Variants in UNC79 observed in about 807,000 individuals in gnomAD.
UNC79 encodes protein unc-79 homolog.
Under a neutral mutation model 283.1 loss-of-function variants are expected in UNC79, and 37 were observed. The observed-to-expected ratio is 0.13, with a 90% CI of 0.10 to 0.17. UNC79 has a LOEUF of 0.17. UNC79 is among the 10% of genes least tolerant of loss of function. The pLI is 1.00. For synonymous variants in UNC79, 1,107 were observed against 1,200.2 expected, an observed-to-expected ratio of 0.92 and a Z score of 1.61; for missense variants, 2,272 against 3,211.1, an observed-to-expected ratio of 0.71 and a Z score of 7.07.
At chr14:93,659,058 G>T (rs1264038723) in intron 38 of UNC79, 135 bp from the exon 42 acceptor site, 5 of 611,686 alleles carry the variant, frequency 8.2e-6, no homozygotes, top group Non-Finnish European at 1.1e-5. Context: ...GGATATTATG[G>T]CATGGGAATC....
rs150306086 is a variant in UNC79 at position 93,387,354 on chromosome 14, C to A, written c.-351+53831C>A. 9.8e-4 allele frequency among the ~76,000 whole-genome samples: 148 copies of A among 151,030 alleles called. 1 individual carries two copies. The East Asian group carries it at 0.024, about 24-fold the overall frequency. On this transcript the variant is annotated intron_variant, in intron 1 of 49. Coordinates refer to the UNC79 transcript ENST00000256339. ...AGGTGGTTTTTTTGAATTTTTTTTT[C>A]TTTTTCAATGTAAACATGTATAGTT...
intron 30 of UNC79, among the ~76,000 whole-genome samples, chr14:93,623,393 G>T (rs1000912921): frequency 1.3e-5 from 2 of 152,086 alleles, no homozygotes; most frequent in Non-Finnish European, 2.9e-5. Flanking sequence ...CTAACCCACG[G>T]TCATCACTTG....
intron 2 of UNC79, among the ~76,000 whole-genome samples, chr14:93,471,626 G>A (rs932851173): frequency 2.6e-5 from 4 of 151,488 alleles, no homozygotes; most frequent in African/African-American, 9.7e-5. Flanking sequence ...AAATCACAAT[G>A]CATTGTACAT....
chr14:93,573,456 A>G (rs1272849415), intron 16 of UNC79, among the ~76,000 whole-genome samples: 1 of 152,188 alleles, frequency 6.6e-6, no homozygotes, highest in Non-Finnish European at 1.5e-5. Flanking sequence ...CTCCTCCTAG[A>G]ATATGGCACA....
At chr14:93,497,498 AG>A (rs1293244187) in intron 7 of UNC79, among the ~76,000 whole-genome samples, 2 of 152,258 alleles carry the variant, frequency 1.3e-5, no homozygotes, top group African/African-American at 4.8e-5. Flanking sequence ...AATTGCCTTA[AG>A]TCTCAGTCCC....
intron 41 of UNC79, among the ~76,000 whole-genome samples, chr14:93,673,828 A>G (rs1187285002): frequency 6.6e-6 from 1 of 152,152 alleles, no homozygotes; most frequent in Non-Finnish European, 1.5e-5. Context: ...GTCTGACTGC[A>G]GAGTCAAATG....
intron 1 of UNC79, among the ~76,000 whole-genome samples, chr14:93,378,314 G>C (rs2054601307): frequency 6.6e-6 from 1 of 152,146 alleles, no homozygotes; most frequent in Admixed American, 6.6e-5. Flanking sequence ...TGTATCTTTA[G>C]GTGATTATAA....
At chr14:93,580,532 C>T (rs1245828810) in intron 19 of UNC79, among the ~76,000 whole-genome samples, 156 bp downstream of exon 19, 2 of 152,200 alleles carry the variant, frequency 1.3e-5, no homozygotes, top group Non-Finnish European at 2.9e-5. Flanking sequence ...CTTCTGCCAA[C>T]TCAGGCTCTT....
At chr14:93,584,946 C>G (rs1281960426) in intron 20 of UNC79, among the ~76,000 whole-genome samples, 1 of 152,188 alleles carries the variant, frequency 6.6e-6, no homozygotes, top group Admixed American at 6.5e-5. Flanking sequence ...ATCCACCTGC[C>G]TCAGCCTCCC....
intron 4 of UNC79, among the ~76,000 whole-genome samples, chr14:93,479,216 C>CTTCCTTCCTTCCTTCCT (rs1350907111): frequency 2.1e-5 from 3 of 145,658 alleles, no homozygotes; most frequent in Non-Finnish European, 3.0e-5. Context: ...TCCTTCCTTC[C>CTTCCTTCCTTCCTTCCT]TTCCTTCCTT....
intron 19 of UNC79, 145 bp from the exon 20 acceptor site, chr14:93,582,058 T>A (rs2063857664): frequency 1.7e-6 from 2 of 1,147,004 alleles, no homozygotes. Flanking sequence ...CAGGGTCTTC[T>A]GGGGTGTGGT....
intron 17 of UNC79, 93 bp from the exon 18 acceptor site, chr14:93,577,749 C>A: frequency 8.0e-7 from 1 of 1,251,786 alleles, no homozygotes; most frequent in Non-Finnish European, 1.1e-6. Context: ...AGTGTGACAG[C>A]TGGAAATACC....
At chr14:93,571,237 A>C (rs1428353273) in intron 14 of UNC79, among the ~76,000 whole-genome samples, 1 of 152,224 alleles carries the variant, frequency 6.6e-6, no homozygotes, top group Non-Finnish European at 1.5e-5. Flanking sequence ...CTTAGAATAT[A>C]CGATCTCTAA....
intron 30 of UNC79, among the ~76,000 whole-genome samples, chr14:93,628,758 A>C (rs932483030): frequency 6.6e-6 from 1 of 152,244 alleles, no homozygotes; most frequent in Non-Finnish European, 1.5e-5. Context: ...ATTTATCTTA[A>C]ATTTATGCAA....
At chr14:93,435,600 C>T (rs1294587645) in intron 1 of UNC79, among the ~76,000 whole-genome samples, 1 of 152,126 alleles carries the variant, frequency 6.6e-6, no homozygotes, top group Non-Finnish European at 1.5e-5. Flanking sequence ...TTATACATAC[C>T]ACCCAAATTC....
At chr14:93,698,024 C>G (rs1280840741) in intron 47 of UNC79, among the ~76,000 whole-genome samples, 1 of 152,128 alleles carries the variant, frequency 6.6e-6, no homozygotes, top group East Asian at 1.9e-4. Flanking sequence ...TGTTTTACTT[C>G]CAAATATTTA....
At chr14:93,662,550 T>A in intron 39 of UNC79, 54 bp from the exon 43 acceptor site, 4 of 1,227,666 alleles carry the variant, frequency 3.3e-6, no homozygotes, top group Non-Finnish European at 4.6e-6. Flanking sequence ...TTAATACTTT[T>A]TTTGAAATGA....
intron 1 of UNC79, among the ~76,000 whole-genome samples, chr14:93,350,177 CTAAGAA>C (rs1427794864): frequency 2.6e-5 from 4 of 151,872 alleles, no homozygotes; most frequent in Admixed American, 6.6e-5. Context: ...TTTAAGGTTA[CTAAGAA>C]TAAGAATTCT....
intron 1 of UNC79, among the ~76,000 whole-genome samples, chr14:93,404,493 A>AAATATATATATATATATATATATATAT: frequency 1.5e-4 from 9 of 61,490 alleles, no homozygotes; most frequent in African/African-American, 4.0e-4. Context: ...TTCTAAAAAA[A>AAATATATATATATATATATATATATAT]ATATATATAT....
Sources: allele counts gnomAD v4.1 joint callset (sites outside exome capture counted in the v4.1 genomes callset), GRCh38; gene constraint gnomAD v4.1.1; transcripts MANE v1.5; gene names NCBI Gene and HGNC (gene_info 2026-07-23, HGNC 2026-07-21).